Variants in EDA observed in about 807,000 individuals in gnomAD.
The protein encoded by EDA is ectodysplasin-A.
Under a neutral mutation model 23.6 loss-of-function variants are expected in EDA, and 2 were observed. The observed-to-expected ratio is 0.08, with a 90% confidence interval of 0.03 to 0.27. The LOEUF (loss-of-function observed/expected upper bound fraction) is 0.27, where lower values mean the gene tolerates loss of function less well. Among genes scored for constraint, EDA ranks in the 10% least tolerant of loss-of-function variants. EDA has a pLI of 1.00. For synonymous variants in EDA, 131 were observed against 132.0 expected (o/e 0.99, Z 0.05); for missense variants, 229 against 324.2 (o/e 0.71, Z 2.26).
chrX:69,843,061 A>G (rs2016927736), intron 1 of EDA, among the ~76,000 whole-genome samples: 1 of 112,076 alleles, frequency 8.9e-6, no homozygotes, highest in Non-Finnish European at 1.9e-5. Flanking sequence ...TAGTAAAGAA[A>G]GTGCCTTCAA....
intron 1 of EDA, among the ~76,000 whole-genome samples, chrX:69,792,111 C>T (rs998318459): frequency 9.0e-6 from 1 of 110,905 alleles, no homozygotes; most frequent in African/African-American, 3.3e-5. Context: ...CCTCGTCCCC[C>T]TTCTAACCAT....
At chrX:69,988,936 G>A (rs1360556163) in intron 2 of EDA, among the ~76,000 whole-genome samples, 3 of 111,426 alleles carry the variant, frequency 2.7e-5, no homozygotes, top group African/African-American at 9.8e-5. Context: ...CCTGGTGCTA[G>A]GGAGGCCCGG....
intron 1 of EDA, among the ~76,000 whole-genome samples, chrX:69,927,694 C>T (rs1482811053): frequency 9.0e-6 from 1 of 110,885 alleles, no homozygotes; most frequent in Non-Finnish European, 1.9e-5. Flanking sequence ...TGCATGTTGG[C>T]CTGTCTTGCT....
At chrX:69,786,535 C>G (rs1219350899) in intron 1 of EDA, among the ~76,000 whole-genome samples, 1 of 110,262 alleles carries the variant, frequency 9.1e-6, no homozygotes, top group East Asian at 2.8e-4. Flanking sequence ...TTTCTGCCTT[C>G]ATTTCGTTAT....
intron 1 of EDA, among the ~76,000 whole-genome samples, chrX:69,870,864 A>G (rs2017555501): frequency 9.0e-6 from 1 of 111,547 alleles, no homozygotes; most frequent in Non-Finnish European, 1.9e-5. Context: ...TCTGCAGGAG[A>G]TAAGACTCTC....
chrX:69,785,478 A>G (rs1184422162), intron 1 of EDA, among the ~76,000 whole-genome samples: 25 of 107,065 alleles, frequency 2.3e-4, no homozygotes, highest in African/African-American at 8.3e-4. Context: ...CCAATACCTA[A>G]TTTATTGAGA....
At chrX:69,929,704 TTTTGTGTGTGTGTG>T (rs2018570159) in intron 1 of EDA, among the ~76,000 whole-genome samples, 2 of 64,381 alleles carry the variant, frequency 3.1e-5, no homozygotes, top group East Asian at 2.8e-3. Context: ...TTCATTCTAT[TTTTGTGTGTGTGTG>T]TGTGTGTGTG....
intron 1 of EDA, among the ~76,000 whole-genome samples, chrX:69,736,235 G>A (rs1229890268): frequency 9.0e-6 from 1 of 110,856 alleles, no homozygotes; most frequent in Non-Finnish European, 1.9e-5. Context: ...AACCTGGGAG[G>A]CGGAGGTTGC....
At chrX:70,001,123 G>A (rs996479174) in intron 2 of EDA, among the ~76,000 whole-genome samples, 1 of 111,529 alleles carries the variant, frequency 9.0e-6, no homozygotes, top group Non-Finnish European at 1.9e-5. Context: ...AATTGGATTG[G>A]CTCTTTCTAA....
chrX:69,879,953 CAGT>C (rs1295636320), intron 1 of EDA, among the ~76,000 whole-genome samples: 1 of 112,313 alleles, frequency 8.9e-6, no homozygotes, highest in African/African-American at 3.2e-5. Context: ...TTCTCCAAAA[CAGT>C]AGTAGTAGGA....
At chrX:69,944,654 T>C (rs1246363155) in intron 1 of EDA, among the ~76,000 whole-genome samples, 1 of 111,439 alleles carries the variant, frequency 9.0e-6, no homozygotes, top group Non-Finnish European at 1.9e-5. Flanking sequence ...GGAGGGGTGA[T>C]GCAAGCACTC....
chrX:69,898,946 A>G (rs769628475), intron 1 of EDA, among the ~76,000 whole-genome samples: 2 of 111,935 alleles, frequency 1.8e-5, no homozygotes, highest in African/African-American at 6.5e-5. Flanking sequence ...CTTCTTTGCA[A>G]TTACCATGGC....
intron 1 of EDA, among the ~76,000 whole-genome samples, chrX:69,794,365 A>G (rs975246613): frequency 1.8e-5 from 2 of 112,166 alleles, no homozygotes; most frequent in Non-Finnish European, 3.8e-5. Context: ...CATTAAAACA[A>G]TTTTAAACAT....
At chrX:69,946,674 G>A (rs2018838183) in intron 1 of EDA, among the ~76,000 whole-genome samples, 1 of 110,661 alleles carries the variant, frequency 9.0e-6, no homozygotes, top group Non-Finnish European at 1.9e-5. Flanking sequence ...AGTTCTGACT[G>A]TTGCAACTCT....
chrX:69,713,503 C>T (rs1261842395), intron 1 of EDA, among the ~76,000 whole-genome samples: 4 of 111,574 alleles, frequency 3.6e-5, no homozygotes, highest in Non-Finnish European at 5.7e-5. Context: ...TAAACACACC[C>T]GCTGCCTCCT....
chrX:69,652,733 T>G (rs1371114773), intron 1 of EDA, among the ~76,000 whole-genome samples: 3 of 112,039 alleles, frequency 2.7e-5, no homozygotes, highest in East Asian at 5.6e-4. Flanking sequence ...TCCATAAATA[T>G]CTTAAGAAAT....
At chrX:69,927,129 A>G (rs1483465421) in intron 1 of EDA, among the ~76,000 whole-genome samples, 4 of 111,412 alleles carry the variant, frequency 3.6e-5, no homozygotes, top group Non-Finnish European at 5.7e-5. Context: ...GTGTCTTTTA[A>G]TTGGGCCATT....
chrX:69,737,777 T>C (rs771037790), intron 1 of EDA, among the ~76,000 whole-genome samples: 126 of 111,776 alleles, frequency 1.1e-3, no homozygotes, highest in Non-Finnish European at 2.1e-3. Context: ...TTCTCTGTTT[T>C]TGTTTGCCTG....
At chrX:69,684,446 G>T (rs756030316) in intron 1 of EDA, among the ~76,000 whole-genome samples, 37 of 111,797 alleles carry the variant, frequency 3.3e-4, no homozygotes, top group African/African-American at 1.2e-3. Flanking sequence ...ATTAAATTGT[G>T]ATCATCTACT....
Sources: gnomAD v4.1 joint callset for allele counts (sites outside exome capture counted in the v4.1 genomes callset) on GRCh38, gnomAD v4.1.1 for gene constraint, MANE v1.5 for transcripts, NCBI Gene and HGNC (gene_info 2026-07-23, HGNC 2026-07-21) for gene names.